Variants in EDIL3 observed in about 807,000 individuals in gnomAD.
The protein encoded by EDIL3 is EGF like and discoidin domains 3.
EDIL3 carries 37 observed loss-of-function variants against 67.4 expected under a neutral mutation model. That is an observed-to-expected ratio of 0.55 (90% CI 0.42 to 0.72). EDIL3 has a LOEUF of 0.72. Among genes scored for constraint, EDIL3 ranks in the 30% least tolerant of loss-of-function variants. The pLI is 0.00. For missense variants in EDIL3, 527 were observed against 586.3 expected (o/e 0.90, Z 1.04); for synonymous variants, 195 against 196.3 (o/e 0.99, Z 0.05).
chr5:83,943,943 A>G (rs1361675215), intron 10 of EDIL3, among the ~76,000 whole-genome samples: 1 of 152,052 alleles, frequency 6.6e-6, no homozygotes, highest in African/African-American at 2.4e-5. Flanking sequence ...AGCTGCTTGC[A>G]AAGTACAGCT....
chr5:84,152,917 TGAAATCTTTA>T (rs1416966939), intron 4 of EDIL3, among the ~76,000 whole-genome samples: 26 of 152,234 alleles, frequency 1.7e-4, no homozygotes, highest in Admixed American at 1.2e-3. Flanking sequence ...TACATATTTT[TGAAATCTTTA>T]GAACACTATA....
At chr5:84,333,345 G>A (rs910392769) in intron 1 of EDIL3, among the ~76,000 whole-genome samples, 3 of 151,984 alleles carry the variant, frequency 2.0e-5, no homozygotes, top group African/African-American at 4.8e-5. Context: ...AGCTTCCTAG[G>A]GAGTAACAAA....
chr5:84,384,293 G>C lies in EDIL3; in HGVS notation c.67+15C>G, dbSNP rs762698251. 2 of 1,605,218 alleles carry C rather than the reference G, an allele frequency of 1.2e-6. No homozygotes were observed. The highest frequency in any genetic ancestry group is 1.7e-6 in the Non-Finnish European group (2 of 1,175,912). ...GCCCATCCCTCACCCAGCTGTCCGG[G>C]TCCCGACGCCTTACCTTTGCCGAAC... On this transcript the variant is annotated intron_variant, in intron 1 of 10. Coordinates refer to ENST00000296591, the MANE Select transcript of EDIL3 (RefSeq NM_005711.5).
At chr5:84,376,985 T>C (rs755723700) in intron 1 of EDIL3, among the ~76,000 whole-genome samples, 1 of 152,096 alleles carries the variant, frequency 6.6e-6, no homozygotes, top group Non-Finnish European at 1.5e-5. Context: ...AAAAATAGCA[T>C]AGTTAAAATT....
intron 1 of EDIL3, among the ~76,000 whole-genome samples, chr5:84,301,288 A>G (rs1216370758): frequency 6.6e-6 from 1 of 151,852 alleles, no homozygotes; most frequent in East Asian, 1.9e-4. Flanking sequence ...AGAAAAAAAA[A>G]AAAGAAAGAA....
At chr5:83,986,444 A>G (rs929683145) in intron 9 of EDIL3, among the ~76,000 whole-genome samples, 3 of 152,162 alleles carry the variant, frequency 2.0e-5, no homozygotes, top group Non-Finnish European at 4.4e-5. Flanking sequence ...ATTACTTAGA[A>G]GAGTTTTGAG....
intron 1 of EDIL3, among the ~76,000 whole-genome samples, chr5:84,305,883 G>GTAAATAAGTAAA (rs796180310): frequency 4.3e-5 from 6 of 138,666 alleles, no homozygotes; most frequent in African/African-American, 1.6e-4. Context: ...GGTCTTAAAA[G>GTAAATAAGTAAA]TAAATAAATA....
intron 1 of EDIL3, among the ~76,000 whole-genome samples, chr5:84,310,402 C>G (rs968557988): frequency 1.4e-4 from 21 of 152,030 alleles, no homozygotes; most frequent in African/African-American, 4.6e-4. Flanking sequence ...ATGTTAAAAC[C>G]ATGTATTCTA....
chr5:84,372,008 A>G (rs1014909415), intron 1 of EDIL3, among the ~76,000 whole-genome samples: 1 of 152,172 alleles, frequency 6.6e-6, no homozygotes, highest in Non-Finnish European at 1.5e-5. Context: ...AACTTTAGAG[A>G]CTATCTTAGT....
intron 9 of EDIL3, among the ~76,000 whole-genome samples, chr5:83,994,116 T>C (rs937534239): frequency 1.3e-5 from 2 of 152,180 alleles, no homozygotes; most frequent in African/African-American, 4.8e-5. Flanking sequence ...TATTTCTCCA[T>C]TGTTTTTGTG....
chr5:84,068,890 C>G (rs1746687542), intron 6 of EDIL3, among the ~76,000 whole-genome samples: 2 of 152,124 alleles, frequency 1.3e-5, no homozygotes, highest in African/African-American at 4.8e-5. Context: ...AGGAAATAAA[C>G]TAAGTAAGCC....
At chr5:84,267,616 G>A (rs1190128465) in intron 1 of EDIL3, among the ~76,000 whole-genome samples, 1 of 152,140 alleles carries the variant, frequency 6.6e-6, no homozygotes, top group African/African-American at 2.4e-5. Context: ...ATCATCATTT[G>A]AGTTGAGAGT....
intron 1 of EDIL3, among the ~76,000 whole-genome samples, chr5:84,367,507 A>C (rs770403461): frequency 8.5e-5 from 13 of 152,168 alleles, no homozygotes; most frequent in Non-Finnish European, 4.4e-5. Context: ...CTGAGCTAGG[A>C]GCGGTGGCTC....
chr5:84,185,251 G>A (rs1178336785), intron 3 of EDIL3, among the ~76,000 whole-genome samples: 1 of 151,998 alleles, frequency 6.6e-6, no homozygotes, highest in Non-Finnish European at 1.5e-5. Flanking sequence ...AGATGTAAAC[G>A]GAATCAGCAT....
intron 1 of EDIL3, among the ~76,000 whole-genome samples, chr5:84,270,257 T>C (rs1177346411): frequency 1.3e-5 from 2 of 152,148 alleles, no homozygotes; most frequent in East Asian, 3.9e-4. Context: ...TAAGGTTGAA[T>C]GGAAATAAAC....
At chr5:84,220,649 G>A (rs1744323570) in intron 3 of EDIL3, among the ~76,000 whole-genome samples, 1 of 152,110 alleles carries the variant, frequency 6.6e-6, no homozygotes, top group Non-Finnish European at 1.5e-5. Context: ...TTCTTAAGGA[G>A]TACCCTCATT....
At chr5:84,144,324 T>G (rs1419065021) in intron 4 of EDIL3, among the ~76,000 whole-genome samples, 1 of 147,532 alleles carries the variant, frequency 6.8e-6, no homozygotes, top group Non-Finnish European at 1.5e-5. Context: ...CATGCATCCA[T>G]CCATCCTTAG....
At position 84,317,415 on chromosome 5, in the gene EDIL3, AT is replaced by A. The variant is rs370847354; in HGVS notation, c.68-63204del. Among the ~76,000 whole-genome samples, 15 of 152,346 alleles carry A rather than the reference AT, an allele frequency of 9.8e-5. No homozygotes were observed. The South Asian group carries it at 3.1e-3, about 32-fold the overall frequency. On this transcript the variant is annotated intron_variant, in intron 1 of 10. Transcript: ENST00000296591. ...AAGAATCAAATGGATGAAATAAAAA[AT>A]GATAAAGGGGATATTACCACTGATC...
At chr5:83,967,210 A>G (rs966738730) in intron 9 of EDIL3, among the ~76,000 whole-genome samples, 5 of 152,078 alleles carry the variant, frequency 3.3e-5, no homozygotes, top group Admixed American at 2.6e-4. Context: ...AGTCCCAGCT[A>G]CTTGGGAGGT....
Sources: gnomAD v4.1 joint callset for allele counts (sites outside exome capture counted in the v4.1 genomes callset) on GRCh38, gnomAD v4.1.1 for gene constraint, MANE v1.5 for transcripts, NCBI Gene and HGNC (gene_info 2026-07-23, HGNC 2026-07-21) for gene names.